The following SLCO2B1 variants were observed in gnomAD, a reference collection of about 807,000 sequenced individuals.
SLCO2B1 encodes the protein solute carrier organic anion transporter family member 2B1.
Under a neutral mutation model 67.3 loss-of-function variants are expected in SLCO2B1, and 41 were observed. The ratio of observed to expected loss-of-function variants is 0.61; its 90% CI spans 0.47 to 0.79. The LOEUF is 0.79. Among genes scored for constraint, SLCO2B1 ranks in the 30% least tolerant of loss-of-function variants. The pLI is 0.00. For missense variants in SLCO2B1, 837 were observed against 920.1 expected (o/e 0.91, Z 1.17); for synonymous variants, 379 against 381.4 (o/e 0.99, Z 0.07).
intron 1 of SLCO2B1, among the ~76,000 whole-genome samples, chr11:75,161,549 T>C (rs535706465): frequency 6.9e-4 from 105 of 152,194 alleles, no homozygotes; most frequent in African/African-American, 2.5e-3. Context: ...CCTCCCTGAG[T>C]TTGTCTTTAG....
At chr11:75,204,259 C>T in intron 13 of SLCO2B1, 141 bp from the exon 14 acceptor site, 1 of 851,694 alleles carries the variant, frequency 1.2e-6, no homozygotes, top group East Asian at 2.6e-5. Context: ...GCCTCTCCCC[C>T]TCCTCCAGGG....
chr11:75,191,074 G>T (rs569125782), intron 8 of SLCO2B1, among the ~76,000 whole-genome samples: 1 of 152,342 alleles, frequency 6.6e-6, no homozygotes, highest in South Asian at 2.1e-4. Context: ...CAGTGCAGGA[G>T]AATGGACTGG....
intron 6 of SLCO2B1, among the ~76,000 whole-genome samples, chr11:75,170,576 C>T (rs1011322476): frequency 2.6e-5 from 4 of 152,202 alleles, no homozygotes; most frequent in African/African-American, 9.7e-5. Flanking sequence ...GACTTTCTGC[C>T]AGGTCCTGGG....
At chr11:75,154,463 G>A (rs1218285562) in intron 1 of SLCO2B1, among the ~76,000 whole-genome samples, 2 of 152,102 alleles carry the variant, frequency 1.3e-5, no homozygotes, top group East Asian at 1.9e-4. Context: ...TTGCACCATT[G>A]CACTCCAGCC....
chr11:75,203,533 G>A, intron 13 of SLCO2B1, 106 bp downstream of exon 13: 1 of 1,401,770 alleles, frequency 7.1e-7, no homozygotes, highest in Non-Finnish European at 9.9e-7. Context: ...CTACCTGCTA[G>A]GTGACAGGTG....
At chr11:75,172,090 C>T (rs1949967179) in intron 6 of SLCO2B1, among the ~76,000 whole-genome samples, 1 of 152,068 alleles carries the variant, frequency 6.6e-6, no homozygotes, top group African/African-American at 2.4e-5. Context: ...TGTAGGTTGC[C>T]CAAGGTTATG....
chr11:75,203,387 GCTGT>G lies in SLCO2B1; in HGVS notation c.1915_1918del (p.Cys639AlafsTer24). The stretch of plus-strand genomic sequence containing the variant: ...CTGGGCCCTGAGCTGTGGGCGTCGA[GCTGT>G]CTGTCGCTACTACAATAATGACCTG... On this transcript the variant is annotated frameshift_variant, in exon 13 of 14. Transcript: ENST00000289575. LOFTEE classifies it low-confidence loss of function (END_TRUNC). The G allele has an allele frequency of 4.3e-6, 7 of 1,614,178 alleles. No homozygotes were observed. The highest frequency in any genetic ancestry group is 5.9e-6 in the Non-Finnish European group (7 of 1,180,024).
At chr11:75,151,817 C>T (rs994214397) in intron 1 of SLCO2B1, 16 of 199,988 alleles carry the variant, frequency 8.0e-5, no homozygotes, top group African/African-American at 1.2e-4. Flanking sequence ...GGTCGGAGAA[C>T]ACAATATCAA....
chr11:75,172,141 G>T (rs1319140534), intron 6 of SLCO2B1, among the ~76,000 whole-genome samples: 1 of 152,186 alleles, frequency 6.6e-6, no homozygotes, highest in African/African-American at 2.4e-5. Flanking sequence ...CGCCTCTAGA[G>T]TCCATGGCCT....
At chr11:75,155,909 T>C (rs773962696) in intron 1 of SLCO2B1, among the ~76,000 whole-genome samples, 3 of 152,080 alleles carry the variant, frequency 2.0e-5, no homozygotes, top group Non-Finnish European at 4.4e-5. Context: ...GGAATAATGC[T>C]CACTAGGGTG....
chr11:75,183,151 A>G (rs1405608434), intron 7 of SLCO2B1, among the ~76,000 whole-genome samples: 1 of 152,274 alleles, frequency 6.6e-6, no homozygotes, highest in East Asian at 1.9e-4. Flanking sequence ...AAAGAAATTA[A>G]TTTTAATAAT....
intron 7 of SLCO2B1, among the ~76,000 whole-genome samples, chr11:75,187,868 T>C (rs1251985440): frequency 6.6e-6 from 1 of 152,324 alleles, no homozygotes; most frequent in Non-Finnish European, 1.5e-5. Context: ...ATTATTATGA[T>C]GTTAATAGTG....
chr11:75,164,891 C>T (rs1433562327), intron 3 of SLCO2B1, among the ~76,000 whole-genome samples: 1 of 152,168 alleles, frequency 6.6e-6, no homozygotes, highest in Non-Finnish European at 1.5e-5. Context: ...CCTCAGGGCC[C>T]TATCTATGAA....
chr11:75,176,342 G>C (rs940301007), intron 7 of SLCO2B1, among the ~76,000 whole-genome samples: 1 of 152,220 alleles, frequency 6.6e-6, no homozygotes, highest in Non-Finnish European at 1.5e-5. Flanking sequence ...TGGCAGGCAA[G>C]CCTGTGCCAT....
chr11:75,199,482 C>T (rs1945150727), intron 10 of SLCO2B1: 1 of 152,394 alleles, frequency 6.6e-6, no homozygotes, highest in Non-Finnish European at 1.5e-5. Context: ...TCTCATCTAC[C>T]CCTTGCTTAA....
intron 7 of SLCO2B1, among the ~76,000 whole-genome samples, chr11:75,185,104 G>C (rs892565543): frequency 4.6e-5 from 7 of 152,350 alleles, no homozygotes; most frequent in Admixed American, 3.3e-4. Flanking sequence ...GGACAGGCCA[G>C]CCTTGAGCCA....
In SLCO2B1 at chr11:75,153,373, C is replaced by G. The variant is rs141920430; in HGVS notation, c.16+1976C>G. Among the ~76,000 whole-genome samples the G allele has an allele frequency of 3.9e-5, 6 of 152,320 alleles. No individual in the cohort carries two copies. The East Asian group carries it at 1.2e-3, about 29-fold the overall frequency. Reference sequence around the variant, plus strand: ...TGGGGCGAGGGAAAGAACCAGCAGTCCCAGGTTCAAATTCCAGCACTGCAT... The same window carrying G: ...TGGGGCGAGGGAAAGAACCAGCAGTGCCAGGTTCAAATTCCAGCACTGCAT... On this transcript the variant is annotated intron_variant, in intron 1 of 13. Coordinates refer to ENST00000289575, the MANE Select transcript of SLCO2B1 (RefSeq NM_007256.5).
At chr11:75,154,346 A>C (rs1435025038) in intron 1 of SLCO2B1, among the ~76,000 whole-genome samples, 2 of 151,962 alleles carry the variant, frequency 1.3e-5, no homozygotes, top group Non-Finnish European at 2.9e-5. Context: ...AAAAAATACA[A>C]AAAATTAGCT....
intron 8 of SLCO2B1, among the ~76,000 whole-genome samples, chr11:75,188,953 G>A (rs1208657753): frequency 6.6e-6 from 1 of 152,132 alleles, no homozygotes; most frequent in East Asian, 1.9e-4. Context: ...CTGCAAATGG[G>A]AGGCCATCGG....
Sources: gnomAD v4.1 joint callset for allele counts (sites outside exome capture counted in the v4.1 genomes callset) on GRCh38, gnomAD v4.1.1 for gene constraint, MANE v1.5 for transcripts, NCBI Gene and HGNC (gene_info 2026-07-23, HGNC 2026-07-21) for gene names.